ADGRL2: variants seen among roughly 807,000 people sequenced by gnomAD.
ADGRL2 encodes the protein adhesion G protein-coupled receptor L2.
Under a neutral mutation model 157.4 loss-of-function variants are expected in ADGRL2, and 44 were observed. The observed-to-expected ratio is 0.28, with a 90% CI of 0.22 to 0.36. The LOEUF (loss-of-function observed/expected upper bound fraction) is 0.36. Ranked by LOEUF, ADGRL2 falls within the 10% of genes least tolerant of loss-of-function variation. The pLI, the probability that ADGRL2 is intolerant of heterozygous loss-of-function variation, is 1.00. For synonymous variants in ADGRL2, 585 were observed against 624.7 expected, an observed-to-expected ratio of 0.94 and a Z score of 0.95; for missense variants, 1,510 against 1,768.9, an observed-to-expected ratio of 0.85 and a Z score of 2.63.
chr1:81,900,735 A>G (rs1419070467), intron 2 of ADGRL2, among the ~76,000 whole-genome samples: 1 of 152,188 alleles, frequency 6.6e-6, no homozygotes, highest in Non-Finnish European at 1.5e-5. Context: ...CAAGTAAATA[A>G]CTGAGTCTGA....
intron 2 of ADGRL2, among the ~76,000 whole-genome samples, chr1:81,447,588 T>C (rs985345239): frequency 6.6e-6 from 1 of 152,204 alleles, no homozygotes; most frequent in African/African-American, 2.4e-5. Flanking sequence ...CTGAGTCATC[T>C]TGAGTAATTA....
intron 1 of ADGRL2, among the ~76,000 whole-genome samples, chr1:81,804,879 T>G (rs1441962069): frequency 6.6e-6 from 1 of 152,226 alleles, no homozygotes; most frequent in African/African-American, 2.4e-5. Context: ...GACTCATTTG[T>G]ACACGTAGGT....
chr1:81,756,621 G>C (rs1243773828), intron 1 of ADGRL2, among the ~76,000 whole-genome samples: 1 of 152,108 alleles, frequency 6.6e-6, no homozygotes, highest in African/African-American at 2.4e-5. Flanking sequence ...ACCTTTTGTA[G>C]TTTGAAACAG....
At chr1:81,813,830 T>C (rs1035125333) in intron 1 of ADGRL2, among the ~76,000 whole-genome samples, 12 of 151,624 alleles carry the variant, frequency 7.9e-5, no homozygotes, top group South Asian at 2.1e-4. Context: ...TAAAACCTCC[T>C]TCACAGTGAG....
intron 2 of ADGRL2, among the ~76,000 whole-genome samples, chr1:81,847,953 A>C (rs1346841667): frequency 7.0e-6 from 1 of 142,026 alleles, no homozygotes; most frequent in Non-Finnish European, 1.6e-5. Flanking sequence ...TATCAGCACC[A>C]TAAGAGTATA....
chr1:81,611,884 G>A (rs891764335), intron 3 of ADGRL2, among the ~76,000 whole-genome samples: 6 of 152,064 alleles, frequency 3.9e-5, no homozygotes, highest in Non-Finnish European at 7.4e-5. Flanking sequence ...TCTCGTGCTG[G>A]TGAGGGAGTT....
intron 17 of ADGRL2, among the ~76,000 whole-genome samples, chr1:81,975,813 T>G (rs887214711): frequency 1.3e-5 from 2 of 152,006 alleles, no homozygotes; most frequent in Non-Finnish European, 2.9e-5. Flanking sequence ...GATGTGTTTA[T>G]TTGCCCCTCT....
chr1:81,908,164 G>A lies in ADGRL2; in HGVS notation c.287+934G>A, dbSNP rs114815647. ...AGACTGTACCTTATAGTCTAAGTGT[G>A]TAGTAGGCTATACTATCTCAGTTTG... On this transcript the variant is annotated intron_variant, in intron 3 of 23. Transcript: ENST00000686636. Among the ~76,000 whole-genome samples the A allele has an allele frequency of 9.4e-3, 1,428 of 152,300 alleles. 17 individuals are homozygous for A. The highest frequency in any genetic ancestry group is 0.031 in the African/African-American group (1,306 of 41,570).
intron 1 of ADGRL2, among the ~76,000 whole-genome samples, chr1:81,444,254 C>A (rs1276420956): frequency 6.6e-6 from 1 of 152,118 alleles, no homozygotes; most frequent in Non-Finnish European, 1.5e-5. Flanking sequence ...TGGGAAAGAG[C>A]AATTGACTAC....
At chr1:81,555,098 C>A (rs949604834) in intron 2 of ADGRL2, among the ~76,000 whole-genome samples, 1 of 151,770 alleles carries the variant, frequency 6.6e-6, no homozygotes, top group Non-Finnish European at 1.5e-5. Context: ...CTGAAGAAAA[C>A]AAAATGAGCC....
chr1:81,623,786 G>A (rs1234759225), intron 3 of ADGRL2, among the ~76,000 whole-genome samples: 9 of 151,810 alleles, frequency 5.9e-5, no homozygotes, highest in South Asian at 2.1e-4. Flanking sequence ...ACAGGCGTGC[G>A]CCACCACAGC....
At chr1:81,383,731 A>G (rs961838324) in intron 1 of ADGRL2, among the ~76,000 whole-genome samples, 1 of 149,336 alleles carries the variant, frequency 6.7e-6, no homozygotes, top group Non-Finnish European at 1.5e-5. Flanking sequence ...TTGGGAGGCC[A>G]AGGTGGGCAG....
rs2093403924 is a variant in ADGRL2 at position 81,861,980 on chromosome 1, G to A, written c.73+24923G>A. Among the ~76,000 whole-genome samples the A allele has an allele frequency of 2.0e-5, 3 of 151,972 alleles. No individual in the cohort carries two copies. In the South Asian group the frequency reaches 6.2e-4, roughly 31 times the overall value. ...TTTTGTTGTAGAAAAATTTATAATT[G>A]TTTTTTGTTAATTACATCCGTCTTT... On this transcript the variant is annotated intron_variant, in intron 2 of 23. Transcript: ENST00000686636.
At chr1:81,536,076 A>G (rs746302643) in intron 2 of ADGRL2, among the ~76,000 whole-genome samples, 4 of 152,220 alleles carry the variant, frequency 2.6e-5, no homozygotes, top group Non-Finnish European at 5.9e-5. Context: ...TGCAAAATAT[A>G]GGCATCCACC....
At chr1:81,833,069 G>A (rs531685873) in intron 1 of ADGRL2, among the ~76,000 whole-genome samples, 1 of 152,160 alleles carries the variant, frequency 6.6e-6, no homozygotes, top group Admixed American at 6.5e-5. Flanking sequence ...GTTTGTTTTG[G>A]TAAAATACAG....
At chr1:81,564,846 T>C (rs1346817308) in intron 2 of ADGRL2, among the ~76,000 whole-genome samples, 1 of 152,150 alleles carries the variant, frequency 6.6e-6, no homozygotes, top group African/African-American at 2.4e-5. Flanking sequence ...TCTATATGTC[T>C]GGCTGCAGAA....
chr1:81,628,896 A>G (rs2081959824), intron 3 of ADGRL2, among the ~76,000 whole-genome samples: 1 of 152,244 alleles, frequency 6.6e-6, no homozygotes. Context: ...AAATGACAAG[A>G]AATAATGTGA....
chr1:81,711,811 G>T (rs749075875), intron 1 of ADGRL2, among the ~76,000 whole-genome samples: 1 of 152,118 alleles, frequency 6.6e-6, no homozygotes, highest in African/African-American at 2.4e-5. Context: ...CCCCCTGAAA[G>T]GGTCCAGGGA....
chr1:81,465,678 G>A (rs1010649751), intron 2 of ADGRL2, among the ~76,000 whole-genome samples: 1 of 152,084 alleles, frequency 6.6e-6, no homozygotes, highest in Non-Finnish European at 1.5e-5. Flanking sequence ...TAGTGCCTTT[G>A]TGTCACTGAA....
Sources: gnomAD v4.1 joint callset for allele counts (sites outside exome capture counted in the v4.1 genomes callset) on GRCh38, gnomAD v4.1.1 for gene constraint, MANE v1.5 for transcripts, NCBI Gene and HGNC (gene_info 2026-07-23, HGNC 2026-07-21) for gene names.